TENM3: variants seen among roughly 807,000 people sequenced by gnomAD.
TENM3 encodes teneurin-3.
In TENM3, 63 loss-of-function variants were observed where a neutral mutation model predicts 255.1. The observed-to-expected ratio is 0.25, with a 90% CI of 0.20 to 0.30. The LOEUF (loss-of-function observed/expected upper bound fraction) is 0.30. Among genes scored for constraint, TENM3 ranks in the 10% least tolerant of loss-of-function variants. The probability of loss-of-function intolerance (pLI) is 1.00; values close to 1 mark genes in which losing one functional copy is unlikely to be tolerated. For missense variants in TENM3, 2,929 were observed against 3,461.1 expected (o/e 0.85, Z 3.86); for synonymous variants, 1,306 against 1,322.3 (o/e 0.99, Z 0.27).
the TENM3 span, among the ~76,000 whole-genome samples, chr4:181,622,252 G>A: frequency 6.6e-6 from 1 of 152,164 alleles, no homozygotes; most frequent in Non-Finnish European, 1.5e-5. Context: ...CCTCTTTCCT[G>A]CCTCGTTTCC....
At chr4:182,251,919 A>T (rs1486141151) in intron 1 of TENM3, among the ~76,000 whole-genome samples, 1 of 152,184 alleles carries the variant, frequency 6.6e-6, no homozygotes, top group African/African-American at 2.4e-5. Context: ...GCTGTGGCTC[A>T]TGCCCGTTAC....
chr4:181,766,431 C>A, the TENM3 span, among the ~76,000 whole-genome samples: 1 of 151,992 alleles, frequency 6.6e-6, no homozygotes, highest in Non-Finnish European at 1.5e-5. Flanking sequence ...AAAAAAATTA[C>A]CCCCAGAAAG....
the TENM3 span, among the ~76,000 whole-genome samples, chr4:181,690,740 C>T: frequency 6.6e-6 from 1 of 152,058 alleles, no homozygotes; most frequent in Non-Finnish European, 1.5e-5. Context: ...AAGGTACCAG[C>T]TCTTATGATT....
the TENM3 span, among the ~76,000 whole-genome samples, chr4:181,775,282 T>C: frequency 6.6e-6 from 1 of 152,184 alleles, no homozygotes; most frequent in Non-Finnish European, 1.5e-5. Context: ...TAAATTCTTT[T>C]TAGTAAGAAT....
the TENM3 span, among the ~76,000 whole-genome samples, chr4:181,569,121 C>T: frequency 7.2e-5 from 11 of 152,090 alleles, no homozygotes; most frequent in Admixed American, 6.5e-4. Flanking sequence ...TCACTTGAGC[C>T]CAGGAGTTCA....
At chr4:182,772,927 G>T (rs1050889203) in intron 22 of TENM3, among the ~76,000 whole-genome samples, 16 of 152,132 alleles carry the variant, frequency 1.1e-4, no homozygotes, top group African/African-American at 3.9e-4. Context: ...CCATTATGAA[G>T]TATGTCAATC....
intron 3 of TENM3, among the ~76,000 whole-genome samples, chr4:182,365,027 A>G (rs1766328498): frequency 6.6e-6 from 1 of 152,180 alleles, no homozygotes; most frequent in Admixed American, 6.5e-5. Flanking sequence ...TTATACTCCC[A>G]ACAGTATACA....
In TENM3 at chr4:182,679,824, T is replaced by C. The variant is rs752926977; in HGVS notation, c.1485T>C (p.Phe495=). The C allele has an allele frequency of 2.6e-5, 42 of 1,613,738 alleles. No homozygotes were observed. The highest frequency in any genetic ancestry group is 1.0e-4 in the Admixed American group (6 of 60,000). ...YLDSGIWHLA[F]YNDGKNAEQV... ...ATTCTGGAATCTGGCATCTGGCTTT[T>C]TATAATGATGGGAAAAATGCAGAGC... Residue 495 remains phenylalanine, a synonymous_variant, in exon 8 of 28, where the codon TTT becomes TTC. Transcript: ENST00000511685.
chr4:181,714,563 G>T, the TENM3 span, among the ~76,000 whole-genome samples: 2 of 152,182 alleles, frequency 1.3e-5, no homozygotes, highest in African/African-American at 4.8e-5. Context: ...TGACAGTTCA[G>T]GAAGAAGCCA....
At position 182,175,532 on chromosome 4, in the gene TENM3, T is replaced by A. The variant is rs542472178; in HGVS notation, c.-76+30778T>A. Reference sequence around the variant, plus strand: ...ATAGGAGCGTGGCCTACTTAAAACATCTGAAAATAACTAAGAGGCGACCCT... The same window carrying A: ...ATAGGAGCGTGGCCTACTTAAAACAACTGAAAATAACTAAGAGGCGACCCT... On this transcript the variant is annotated intron_variant, in intron 1 of 2. Transcript: ENST00000512480. Among the ~76,000 whole-genome samples, 3 of 152,134 alleles carry A rather than the reference T, an allele frequency of 2.0e-5. No individual in the cohort carries two copies. The South Asian group carries it at 6.2e-4, about 32-fold the overall frequency.
At chr4:181,789,214 CTTTATTTAT>C in the TENM3 span, among the ~76,000 whole-genome samples, 2 of 137,374 alleles carry the variant, frequency 1.5e-5, no homozygotes, top group South Asian at 4.6e-4. Context: ...AAAGAGCCCC[CTTTATTTAT>C]TTTATTTTAT....
At chr4:182,635,696 G>C (rs1002211319) in intron 5 of TENM3, among the ~76,000 whole-genome samples, 5 of 152,100 alleles carry the variant, frequency 3.3e-5, no homozygotes, top group Admixed American at 3.3e-4. Flanking sequence ...TAAAATACAT[G>C]TTGTCATATG....
the TENM3 span, among the ~76,000 whole-genome samples, chr4:182,062,024 A>G: frequency 6.6e-6 from 1 of 152,236 alleles, no homozygotes; most frequent in African/African-American, 2.4e-5. Context: ...TACTTTTTTG[A>G]CAATTTCTAA....
chr4:181,535,872 A>T, the TENM3 span, among the ~76,000 whole-genome samples: 4 of 152,108 alleles, frequency 2.6e-5, no homozygotes, highest in Non-Finnish European at 4.4e-5. Flanking sequence ...GCCCCTGGGG[A>T]GGGAGAAGTC....
chr4:182,729,218 T>A, intron 14 of TENM3, 37 bp downstream of exon 14: 1 of 1,538,812 alleles, frequency 6.5e-7, no homozygotes, highest in Non-Finnish European at 9.0e-7. Context: ...TTTGTAATGA[T>A]GTTATCAACA....
chr4:182,607,472 CA>C (rs1273174928), intron 4 of TENM3, among the ~76,000 whole-genome samples: 24 of 152,224 alleles, frequency 1.6e-4, no homozygotes, highest in Non-Finnish European at 2.8e-4. Context: ...TAATGAAAGG[CA>C]ACTATTCATA....
chr4:182,194,295 G>A (rs1331548069), intron 1 of TENM3, among the ~76,000 whole-genome samples: 2 of 152,126 alleles, frequency 1.3e-5, no homozygotes, highest in Non-Finnish European at 2.9e-5. Flanking sequence ...TGATTGGGAC[G>A]AAGCTGAGTA....
At chr4:182,534,057 G>A (rs4298174) in intron 3 of TENM3, among the ~76,000 whole-genome samples, 128,330 of 152,238 alleles carry the variant, frequency 0.84, 54,207 homozygotes, top group East Asian at 0.95. Flanking sequence ...CATTGATTCA[G>A]TAGATGCTTG....
intron 3 of TENM3, among the ~76,000 whole-genome samples, chr4:182,484,990 T>C (rs1290660962): frequency 6.6e-6 from 1 of 152,192 alleles, no homozygotes; most frequent in Non-Finnish European, 1.5e-5. Context: ...GAAAGATACA[T>C]AGTACCTTTA....
Sources: allele counts gnomAD v4.1 joint callset (sites outside exome capture counted in the v4.1 genomes callset), GRCh38; gene constraint gnomAD v4.1.1; transcripts MANE v1.5; gene names NCBI Gene and HGNC (gene_info 2026-07-23, HGNC 2026-07-21).